Variants in KCNB2 observed in about 807,000 individuals in gnomAD.
The protein encoded by KCNB2 is delayed rectifier potassium channel protein.
In KCNB2, 15 loss-of-function variants were observed where a neutral mutation model predicts 61.5. That is an observed-to-expected ratio of 0.24 (90% CI 0.16 to 0.38). The LOEUF is 0.38. Ranked by LOEUF, KCNB2 falls within the 10% of genes least tolerant of loss-of-function variation. KCNB2 has a pLI of 1.00. For synonymous variants in KCNB2, 457 were observed against 446.0 expected (o/e 1.02, Z -0.31); for missense variants, 828 against 1,125.2 (o/e 0.74, Z 3.78).
intron 2 of KCNB2, among the ~76,000 whole-genome samples, chr8:72,645,914 A>G (rs1249796705): frequency 6.6e-6 from 1 of 152,176 alleles, no homozygotes; most frequent in Non-Finnish European, 1.5e-5. Flanking sequence ...TCTGTACAAT[A>G]TATTACAGGT....
intron 2 of KCNB2, among the ~76,000 whole-genome samples, chr8:72,840,803 G>T (rs1334905247): frequency 6.6e-6 from 1 of 151,584 alleles, no homozygotes; most frequent in East Asian, 1.9e-4. Context: ...CTGGATATTT[G>T]CCCTTTGTCA....
chr8:72,539,023 A>C (rs1307908779), intron 1 of KCNB2, among the ~76,000 whole-genome samples: 1 of 152,136 alleles, frequency 6.6e-6, no homozygotes, highest in Non-Finnish European at 1.5e-5. Flanking sequence ...TTCTAAAGTT[A>C]CATATCAAGA....
intron 2 of KCNB2, among the ~76,000 whole-genome samples, chr8:72,596,563 T>G (rs1807193465): frequency 6.6e-6 from 1 of 152,226 alleles, no homozygotes; most frequent in South Asian, 2.1e-4. Flanking sequence ...CATTGTTACA[T>G]AAGGCTGCCT....
intron 2 of KCNB2, among the ~76,000 whole-genome samples, chr8:72,661,942 T>C (rs573470663): frequency 6.6e-6 from 1 of 152,340 alleles, no homozygotes; most frequent in African/African-American, 2.4e-5. Context: ...CTTTTCTTTC[T>C]GATAATTTGT....
intron 2 of KCNB2, among the ~76,000 whole-genome samples, chr8:72,733,633 G>A (rs1043252334): frequency 2.0e-5 from 3 of 152,056 alleles, no homozygotes; most frequent in Admixed American, 6.6e-5. Flanking sequence ...AATGGTACCC[G>A]GCACCCTGTA....
At chr8:72,749,861 T>TTA (rs911018353) in intron 2 of KCNB2, among the ~76,000 whole-genome samples, 12 of 146,874 alleles carry the variant, frequency 8.2e-5, no homozygotes, top group Middle Eastern at 3.6e-3. Flanking sequence ...ATATATATTT[T>TTA]TATATATATA....
chr8:72,643,976 G>A (rs1045939099), intron 2 of KCNB2, among the ~76,000 whole-genome samples: 1 of 152,132 alleles, frequency 6.6e-6, no homozygotes, highest in Non-Finnish European at 1.5e-5. Flanking sequence ...AATAACTTTT[G>A]TTTGTCAGTA....
At chr8:72,756,472 C>T (rs1808292322) in intron 2 of KCNB2, among the ~76,000 whole-genome samples, 1 of 152,232 alleles carries the variant, frequency 6.6e-6, no homozygotes, top group East Asian at 1.9e-4. Context: ...ACCTTGGCTA[C>T]ATACTTGAAT....
chr8:72,559,538 A>C lies in KCNB2; in HGVS notation c.-93-8104A>C, dbSNP rs141013099. Reference sequence around the variant, plus strand: ...TGCTGGGGTTTGGGCTGTAGTGTGCAGAACTGACTGGAGAGATCCAGGGCA... The same window carrying C: ...TGCTGGGGTTTGGGCTGTAGTGTGCCGAACTGACTGGAGAGATCCAGGGCA... On this transcript the variant is annotated intron_variant, in intron 1 of 2. Coordinates refer to ENST00000523207, the MANE Select transcript of KCNB2 (RefSeq NM_004770.3). Among the ~76,000 whole-genome samples the C allele has an allele frequency of 7.1e-3, 1,078 of 152,276 alleles. 9 individuals carry two copies. The highest frequency in any genetic ancestry group is 0.025 in the African/African-American group (1,028 of 41,556).
chr8:72,708,328 G>A (rs1276261758), intron 2 of KCNB2, among the ~76,000 whole-genome samples: 2 of 152,198 alleles, frequency 1.3e-5, no homozygotes, highest in African/African-American at 4.8e-5. Flanking sequence ...TCTTTGGAAA[G>A]GACATTATTT....
In KCNB2 at chr8:72,936,249, C is replaced by T. The variant is rs757954501; in HGVS notation, c.894C>T (p.Arg298=). ...KSVLQFQNVR[R]VVQIFRIMRI... is the part of the protein sequence containing the mutation. ...TGCTGCAGTTCCAAAACGTGAGGCG[C>T]GTGGTCCAGATCTTCCGAATCATGC... The change falls in exon 3 of 3, where the codon CGC becomes CGT. Residue 298 remains arginine, a synonymous_variant. Transcript: ENST00000523207. This position sits in a 1 kb window ranked among gnomAD's most constrained non-coding sequence, Gnocchi z 5.6. 7.4e-6 allele frequency: 12 copies of T among 1,614,108 alleles called. No individual in the cohort carries two copies. The highest frequency in any genetic ancestry group is 3.3e-5 in the Admixed American group (2 of 60,016).
chr8:72,905,724 G>C (rs1021143656), intron 2 of KCNB2, among the ~76,000 whole-genome samples: 8 of 152,128 alleles, frequency 5.3e-5, no homozygotes, highest in Non-Finnish European at 1.2e-4. Context: ...TAGCAAAAAG[G>C]CTTTCAGTCA....
At chr8:72,593,278 T>G (rs79263777) in intron 2 of KCNB2, among the ~76,000 whole-genome samples, 2,126 of 152,308 alleles carry the variant, frequency 0.014, 43 homozygotes, top group African/African-American at 0.049. Flanking sequence ...TATAAAAAAC[T>G]ATAAAAGACT....
chr8:72,837,814 T>C (rs937267256), intron 2 of KCNB2, among the ~76,000 whole-genome samples: 1 of 119,702 alleles, frequency 8.4e-6, no homozygotes, highest in Non-Finnish European at 1.8e-5. Context: ...GTACTTCCTA[T>C]GCTAACTTCA....
intron 2 of KCNB2, among the ~76,000 whole-genome samples, chr8:72,912,803 A>C (rs766676353): frequency 2.0e-5 from 3 of 152,104 alleles, no homozygotes; most frequent in Non-Finnish European, 4.4e-5. Context: ...ACTGTTACCT[A>C]TACCATCACT....
intron 2 of KCNB2, among the ~76,000 whole-genome samples, chr8:72,652,080 C>A (rs1806219453): frequency 6.6e-6 from 1 of 152,132 alleles, no homozygotes; most frequent in Non-Finnish European, 1.5e-5. Context: ...TTCTCAACAC[C>A]TTCCCACCAC....
rs754672053 is a variant in KCNB2 at position 72,739,195 on chromosome 8, C to A, written c.579+170882C>A. ...TTCTTTTATAGTCAAATATTTCAAC[C>A]CTCTGGAAGAAAATCTGCCTACCAT... On this transcript the variant is annotated intron_variant, in intron 2 of 2. Coordinates refer to ENST00000523207, the MANE Select transcript of KCNB2 (RefSeq NM_004770.3). Among the ~76,000 whole-genome samples, 74 of 151,592 alleles carry A rather than the reference C, an allele frequency of 4.9e-4. 1 individual carries two copies. Among genetic ancestry groups the A allele is most frequent in the Admixed American group, 2.8e-3 (42 of 15,206 alleles).
chr8:72,565,679 C>A (rs189525188), intron 1 of KCNB2, among the ~76,000 whole-genome samples: 4 of 151,754 alleles, frequency 2.6e-5, no homozygotes, highest in Admixed American at 2.6e-4. Flanking sequence ...ACACACACAA[C>A]ACACACACAC....
Position 72,910,400 on chromosome 8 carries a change from A to G in KCNB2, c.580-25535A>G, listed in dbSNP as rs558094218. On this transcript the variant is annotated intron_variant, in intron 2 of 2. Coordinates refer to ENST00000523207, the MANE Select transcript of KCNB2 (RefSeq NM_004770.3). Reference sequence around the variant, plus strand: ...GGATTTGAGAACCACCAATGCATAGACGATACCAGGAACCACTGGAGGAAA... The same window carrying G: ...GGATTTGAGAACCACCAATGCATAGGCGATACCAGGAACCACTGGAGGAAA... Among the ~76,000 whole-genome samples the G allele has an allele frequency of 2.0e-5, 3 of 152,262 alleles. No homozygotes were observed. The South Asian group carries it at 6.2e-4, about 32-fold the overall frequency.
Sources: allele counts gnomAD v4.1 joint callset (sites outside exome capture counted in the v4.1 genomes callset), GRCh38; gene constraint gnomAD v4.1.1; non-coding constraint Gnocchi (gnomAD v3.1); transcripts MANE v1.5; gene names NCBI Gene and HGNC (gene_info 2026-07-23, HGNC 2026-07-21).